Variants in LCORL observed in about 807,000 individuals in gnomAD.
LCORL encodes ligand-dependent nuclear receptor corepressor-like protein.
LCORL carries 41 observed loss-of-function variants against 141.8 expected under a neutral mutation model. The observed-to-expected ratio is 0.29, with a 90% CI of 0.23 to 0.38. The LOEUF (loss-of-function observed/expected upper bound fraction) is 0.38. LCORL is among the 10% of genes least tolerant of loss of function. The pLI, the probability that LCORL is intolerant of heterozygous loss-of-function variation, is 1.00. For missense variants in LCORL, 1,759 were observed against 2,035.0 expected, an observed-to-expected ratio of 0.86 and a Z score of 2.61; for synonymous variants, 618 against 694.1, an observed-to-expected ratio of 0.89 and a Z score of 1.72.
At chr4:18,009,488 C>G (rs539042697) in intron 1 of LCORL, among the ~76,000 whole-genome samples, 2 of 151,980 alleles carry the variant, frequency 1.3e-5, no homozygotes, top group Non-Finnish European at 2.9e-5. Context: ...CATATTGTAC[C>G]GAGCTCCACT....
chr4:17,974,676 CT>C (rs1273175102), intron 1 of LCORL, among the ~76,000 whole-genome samples: 1 of 152,070 alleles, frequency 6.6e-6, no homozygotes, highest in Non-Finnish European at 1.5e-5. Context: ...ATGATCCAAA[CT>C]TCACCATTTT....
At chr4:17,909,652 T>G (rs1732187248) in intron 4 of LCORL, among the ~76,000 whole-genome samples, 1 of 152,138 alleles carries the variant, frequency 6.6e-6, no homozygotes, top group Admixed American at 6.5e-5. Context: ...GTTTTAATAT[T>G]CATTCAGATA....
At chr4:17,996,949 C>A (rs1299866598) in intron 1 of LCORL, among the ~76,000 whole-genome samples, 1 of 152,134 alleles carries the variant, frequency 6.6e-6, no homozygotes, top group Admixed American at 6.5e-5. Context: ...CTTCCCTGAT[C>A]TAACTCCTGC....
At chr4:18,016,486 C>A (rs1220258020) in intron 1 of LCORL, among the ~76,000 whole-genome samples, 1 of 152,078 alleles carries the variant, frequency 6.6e-6, no homozygotes, top group Non-Finnish European at 1.5e-5. Flanking sequence ...TCATGGTAAT[C>A]AAGAGTTGGC....
At chr4:17,944,042 A>C (rs573389066) in intron 4 of LCORL, among the ~76,000 whole-genome samples, 1 of 152,238 alleles carries the variant, frequency 6.6e-6, no homozygotes, top group South Asian at 2.1e-4. Flanking sequence ...AATCTAGTTT[A>C]CCCATACTTA....
At chr4:17,986,538 G>C (rs1655047792) in intron 1 of LCORL, among the ~76,000 whole-genome samples, 1 of 152,054 alleles carries the variant, frequency 6.6e-6, no homozygotes, top group Non-Finnish European at 1.5e-5. Context: ...CCTCAGCTTG[G>C]TCTATTCTGC....
chr4:17,845,682 T>G, exon 8 of LCORL: 1 of 1,472,784 alleles, frequency 6.8e-7, no homozygotes, highest in East Asian at 2.3e-5. Flanking sequence ...GAAGGAATAC[T>G]GACATACAAA....
Position 18,021,306 on chromosome 4 carries a change from C to A in LCORL, c.154+292G>T, listed in dbSNP as rs1048499242. Among the ~76,000 whole-genome samples, 1 of 152,106 alleles carries A rather than the reference C, an allele frequency of 6.6e-6. No individual in the cohort carries two copies. The highest frequency in any genetic ancestry group is 6.5e-5 in the Admixed American group (1 of 15,280). On this transcript the variant is annotated intron_variant, in intron 1 of 7. Coordinates refer to ENST00000635767, the Ensembl canonical transcript of LCORL. This position sits in a 1 kb window ranked among gnomAD's most constrained non-coding sequence, Gnocchi z 5.5. ...GGCAGCGACGGGCGCCGAGGAGTTT[C>A]GGGGAGAGAGCGAGCGGGCGGCTTC...
At chr4:17,943,579 T>G (rs549057660) in intron 4 of LCORL, among the ~76,000 whole-genome samples, 1 of 152,372 alleles carries the variant, frequency 6.6e-6, no homozygotes, top group Non-Finnish European at 1.5e-5. Flanking sequence ...ACATTGCTTA[T>G]GTTGCTTTCA....
At chr4:17,940,174 A>ATATATATGTATATATATGTATACATG (rs1560376021) in intron 4 of LCORL, among the ~76,000 whole-genome samples, 2 of 31,106 alleles carry the variant, frequency 6.4e-5, no homozygotes, top group African/African-American at 5.0e-5. Flanking sequence ...GTATACATGT[A>ATATATATGTATATATATGTATACATG]TATATATATA....
exon 8 of LCORL, chr4:17,842,304 T>C: frequency 6.2e-7 from 1 of 1,611,178 alleles, no homozygotes; most frequent in African/African-American, 1.3e-5. Flanking sequence ...TTATACTATC[T>C]TCAAGGACAG....
chr4:17,866,387 C>T (rs1451560144), intron 7 of LCORL, among the ~76,000 whole-genome samples: 3 of 152,182 alleles, frequency 2.0e-5, no homozygotes, highest in East Asian at 1.9e-4. Context: ...TCCAAATAAA[C>T]TTGAACCGTG....
At chr4:17,998,415 T>C (rs1349978976) in intron 1 of LCORL, among the ~76,000 whole-genome samples, 20 of 152,168 alleles carry the variant, frequency 1.3e-4, no homozygotes, top group Admixed American at 1.3e-3. Context: ...AGTCTTATTC[T>C]ATAATTTTTT....
At chr4:17,945,802 C>T (rs757208493) in intron 4 of LCORL, among the ~76,000 whole-genome samples, 8 of 151,102 alleles carry the variant, frequency 5.3e-5, no homozygotes, top group African/African-American at 9.7e-5. Context: ...GCTTTGACAA[C>T]GTATATGTTA....
At chr4:17,917,993 T>C (rs903710602) in intron 4 of LCORL, among the ~76,000 whole-genome samples, 7 of 150,218 alleles carry the variant, frequency 4.7e-5, no homozygotes, top group Admixed American at 6.6e-5. Flanking sequence ...AAACAAACAA[T>C]TGCACTATTC....
At chr4:17,860,275 T>C (rs1724852975) in intron 7 of LCORL, among the ~76,000 whole-genome samples, 1 of 152,150 alleles carries the variant, frequency 6.6e-6, no homozygotes, top group African/African-American at 2.4e-5. Context: ...GACTGGGCAA[T>C]TTACAAAGGA....
intron 4 of LCORL, among the ~76,000 whole-genome samples, chr4:17,953,107 T>C (rs1711794739): frequency 6.6e-6 from 1 of 152,230 alleles, no homozygotes; most frequent in African/African-American, 2.4e-5. Context: ...TAGTATCCTA[T>C]GGTATATATG....
intron 4 of LCORL, among the ~76,000 whole-genome samples, chr4:17,949,775 C>CAATG (rs1739436536): frequency 6.6e-6 from 1 of 152,048 alleles, no homozygotes; most frequent in African/African-American, 2.4e-5. Flanking sequence ...CTGAAGAAGG[C>CAATG]AATGATTCAG....
At chr4:17,850,352 G>C (rs1253961390) in intron 7 of LCORL, among the ~76,000 whole-genome samples, 1 of 149,602 alleles carries the variant, frequency 6.7e-6, no homozygotes, top group African/African-American at 2.5e-5. Context: ...GCAACCTACA[G>C]AATGGGAGAA....
Sources: gnomAD v4.1 joint callset for allele counts (sites outside exome capture counted in the v4.1 genomes callset) on GRCh38, gnomAD v4.1.1 for gene constraint, Gnocchi (gnomAD v3.1) non-coding constraint, MANE v1.5 for transcripts, NCBI Gene and HGNC (gene_info 2026-07-23, HGNC 2026-07-21) for gene names.